NSMCE2: variants seen among roughly 807,000 people sequenced by gnomAD.
NSMCE2 encodes E3 SUMO-protein ligase NSE2.
In NSMCE2, 24 loss-of-function variants were observed where a neutral mutation model predicts 23.8. That is an observed-to-expected ratio of 1.01 (90% CI 0.73 to 1.42). The LOEUF is 1.42. Among genes scored for constraint, NSMCE2 ranks in the 40% most tolerant of loss-of-function variants. The pLI is 0.00. For missense variants in NSMCE2, 284 were observed against 296.5 expected, an observed-to-expected ratio of 0.96 and a Z score of 0.31; for synonymous variants, 92 against 94.1, an observed-to-expected ratio of 0.98 and a Z score of 0.13.
intron 5 of NSMCE2, chr8:125,182,509 T>G: frequency 2.0e-6 from 1 of 491,090 alleles, no homozygotes; most frequent in Admixed American, 4.2e-5. Context: ...ATGTGTATTG[T>G]CCCATTGCTG....
intron 5 of NSMCE2, among the ~76,000 whole-genome samples, chr8:125,324,299 C>G (rs773176657): frequency 6.6e-6 from 1 of 152,030 alleles, no homozygotes; most frequent in Non-Finnish European, 1.5e-5. Context: ...CATCCCACTT[C>G]GAGATATTTA....
intron 1 of NSMCE2, among the ~76,000 whole-genome samples, chr8:125,095,081 G>GC (rs551169528): frequency 1.4e-3 from 220 of 152,114 alleles, no homozygotes; most frequent in African/African-American, 5.1e-3. Context: ...GAACTCCTGG[G>GC]CTCAAGCCAA....
At chr8:125,092,700 T>C (rs1563643972) in intron 1 of NSMCE2, among the ~76,000 whole-genome samples, 1 of 152,224 alleles carries the variant, frequency 6.6e-6, no homozygotes, top group Non-Finnish European at 1.5e-5. Flanking sequence ...GAAGTCAACA[T>C]ATTGTCTATA....
At chr8:125,218,418 T>G (rs1039445143) in intron 5 of NSMCE2, among the ~76,000 whole-genome samples, 3 of 151,110 alleles carry the variant, frequency 2.0e-5, no homozygotes, top group African/African-American at 4.9e-5. Context: ...TTGAGGGTTT[T>G]TTTTTTTTTT....
chr8:125,216,523 C>T (rs1824590547), intron 5 of NSMCE2, among the ~76,000 whole-genome samples: 1 of 151,938 alleles, frequency 6.6e-6, no homozygotes, highest in Admixed American at 6.6e-5. Flanking sequence ...CCTGTAATCC[C>T]AGCTACGTAC....
intron 5 of NSMCE2, among the ~76,000 whole-genome samples, chr8:125,183,868 A>AT (rs1158471783): frequency 6.6e-6 from 1 of 152,112 alleles, no homozygotes; most frequent in Non-Finnish European, 1.5e-5. Flanking sequence ...TGTTATAGGC[A>AT]TTTTTTCAAA....
In NSMCE2 at chr8:125,290,625, A is replaced by G. The variant is rs182863141; in HGVS notation, c.419-66594A>G. 1.4e-4 allele frequency among the ~76,000 whole-genome samples: 22 copies of G among 152,340 alleles called. No homozygotes were observed. The East Asian group carries it at 4.1e-3, about 28-fold the overall frequency. Reference sequence around the variant, plus strand: ...TCAGTTACAATTCCAGTCTCACAGAAAAGTTGGTTGAGGCAACATAGGTAG... The same window carrying G: ...TCAGTTACAATTCCAGTCTCACAGAGAAGTTGGTTGAGGCAACATAGGTAG... On this transcript the variant is annotated intron_variant, in intron 5 of 7. Transcript: ENST00000287437.
chr8:125,191,959 A>G (rs73704550), intron 5 of NSMCE2, among the ~76,000 whole-genome samples: 7,557 of 152,254 alleles, frequency 0.05, 225 homozygotes, highest in African/African-American at 0.076. Context: ...GTTCACAAGG[A>G]AAGGGGAAGT....
intron 5 of NSMCE2, among the ~76,000 whole-genome samples, chr8:125,294,018 A>G (rs988399056): frequency 6.6e-6 from 1 of 152,102 alleles, no homozygotes; most frequent in Non-Finnish European, 1.5e-5. Flanking sequence ...TCTACTTTCT[A>G]TCTCTATTTG....
intron 4 of NSMCE2, among the ~76,000 whole-genome samples, chr8:125,158,521 A>T (rs1403976272): frequency 6.6e-6 from 1 of 152,206 alleles, no homozygotes; most frequent in Non-Finnish European, 1.5e-5. Flanking sequence ...CACTCCAGGT[A>T]GGTACTGAGG....
intron 5 of NSMCE2, among the ~76,000 whole-genome samples, chr8:125,224,815 A>G (rs1425842773): frequency 3.9e-5 from 6 of 152,204 alleles, no homozygotes; most frequent in Non-Finnish European, 7.3e-5. Flanking sequence ...CAATTTGCCA[A>G]ACTTTATATT....
intron 5 of NSMCE2, among the ~76,000 whole-genome samples, chr8:125,336,654 ATC>A (rs1279001738): frequency 1.3e-5 from 2 of 152,258 alleles, no homozygotes; most frequent in African/African-American, 4.8e-5. Context: ...TCACAGTTTC[ATC>A]TGCCATGTGT....
chr8:125,117,116 T>C (rs989141368), intron 3 of NSMCE2, among the ~76,000 whole-genome samples: 1 of 152,214 alleles, frequency 6.6e-6, no homozygotes, highest in Admixed American at 6.5e-5. Flanking sequence ...CTTTATAATA[T>C]AGTTACACAA....
At chr8:125,337,437 ATC>A (rs1830093768) in intron 5 of NSMCE2, among the ~76,000 whole-genome samples, 1 of 152,264 alleles carries the variant, frequency 6.6e-6, no homozygotes, top group Non-Finnish European at 1.5e-5. Context: ...TTGGGCAATT[ATC>A]TCTGTTGCTC....
intron 3 of NSMCE2, among the ~76,000 whole-genome samples, chr8:125,142,448 G>A (rs1240918719): frequency 1.3e-5 from 2 of 152,056 alleles, no homozygotes; most frequent in Admixed American, 1.3e-4. Flanking sequence ...TTGTGTTGGC[G>A]GGTAAACTAA....
intron 4 of NSMCE2, among the ~76,000 whole-genome samples, chr8:125,179,558 C>T (rs1049025042): frequency 1.3e-5 from 2 of 152,136 alleles, no homozygotes; most frequent in Admixed American, 6.5e-5. Flanking sequence ...ATTTTGATAG[C>T]TAGAGTACAG....
chr8:125,248,685 A>AT (rs1165866798), intron 5 of NSMCE2, among the ~76,000 whole-genome samples: 7 of 152,136 alleles, frequency 4.6e-5, no homozygotes, highest in African/African-American at 1.7e-4. Flanking sequence ...TCCTTGATAC[A>AT]TTAAGTTTTT....
intron 5 of NSMCE2, among the ~76,000 whole-genome samples, chr8:125,257,756 G>A (rs1002697435): frequency 2.6e-5 from 4 of 151,938 alleles, no homozygotes; most frequent in South Asian, 2.1e-4. Context: ...GGATGGTCTC[G>A]ATCTCCTGAC....
chr8:125,130,326 A>C (rs763307768), intron 3 of NSMCE2: 17 of 451,818 alleles, frequency 3.8e-5, no homozygotes, highest in Non-Finnish European at 8.9e-6. Context: ...TGGCCCTAGT[A>C]GTGTTTGTCA....
Sources: allele counts gnomAD v4.1 joint callset (sites outside exome capture counted in the v4.1 genomes callset), GRCh38; gene constraint gnomAD v4.1.1; transcripts MANE v1.5; gene names NCBI Gene and HGNC (gene_info 2026-07-23, HGNC 2026-07-21).